ATG7: variants seen among roughly 807,000 people sequenced by gnomAD.
ATG7 encodes the protein autophagy related 7, also known as ubiquitin-like modifier-activating enzyme ATG7.
In ATG7, 70 loss-of-function variants were observed where a neutral mutation model predicts 82.4. The observed-to-expected ratio is 0.85, with a 90% CI of 0.70 to 1.04. The LOEUF is 1.04. Ranked by LOEUF, ATG7 falls within the 50% of genes least tolerant of loss-of-function variation. ATG7 has a pLI of 0.00. For synonymous variants in ATG7, 287 were observed against 313.0 expected (o/e 0.92, Z 0.88); for missense variants, 792 against 864.3 (o/e 0.92, Z 1.05).
intron 19 of ATG7, among the ~76,000 whole-genome samples, chr3:11,395,825 A>G (rs2079176800): frequency 1.3e-5 from 2 of 151,550 alleles, no homozygotes; most frequent in African/African-American, 4.8e-5. Flanking sequence ...CTGTAGTCCC[A>G]GCTACTCGGG....
At chr3:11,462,791 C>T (rs976383208) in intron 20 of ATG7, among the ~76,000 whole-genome samples, 9 of 151,998 alleles carry the variant, frequency 5.9e-5, no homozygotes, top group African/African-American at 1.4e-4. Context: ...GTTCAAACAT[C>T]GTAACATACA....
At chr3:11,443,285 C>T (rs2084180632) in intron 20 of ATG7, among the ~76,000 whole-genome samples, 1 of 152,182 alleles carries the variant, frequency 6.6e-6, no homozygotes, top group East Asian at 1.9e-4. Context: ...CCATTATCTC[C>T]CTTGAAAAAT....
Position 11,313,386 on chromosome 3 carries a change from C to T in ATG7, c.494C>T (p.Pro165Leu), listed in dbSNP as rs1575380680. 3 of 1,612,352 alleles carry T rather than the reference C, an allele frequency of 1.9e-6. No individual in the cohort carries two copies. The highest frequency in any genetic ancestry group is 2.5e-6 in the Non-Finnish European group (3 of 1,179,056). Residue 165 changes from proline (P) to leucine (L), a missense_variant, in exon 8 of 21, where the codon CCA becomes CTA. Coordinates refer to ENST00000693202, the MANE Select transcript of ATG7 (RefSeq NM_001349232.2). ...GAGAGTTTACCTCTCATTCAGGGGC[C>T]AGTGGGTTTGGATCAAAGGTTTTCA... ...LPESLPLIQG[P>L]VGLDQRFSLK...
chr3:11,519,269 G>T (rs1281441644), intron 20 of ATG7, among the ~76,000 whole-genome samples: 1 of 152,126 alleles, frequency 6.6e-6, no homozygotes, highest in African/African-American at 2.4e-5. Flanking sequence ...ATTGTTTCAT[G>T]TAAGGAACTT....
chr3:11,341,262 G>C (rs187221290), intron 12 of ATG7, among the ~76,000 whole-genome samples: 3 of 151,706 alleles, frequency 2.0e-5, no homozygotes, highest in Admixed American at 2.0e-4. Context: ...GGGTTTCACT[G>C]TGTTGCCCAG....
At chr3:11,367,335 T>C (rs1487585034) in intron 18 of ATG7, among the ~76,000 whole-genome samples, 2 of 152,172 alleles carry the variant, frequency 1.3e-5, no homozygotes, top group African/African-American at 4.8e-5. Flanking sequence ...AACTCCTTTG[T>C]GTACTTTGTA....
At chr3:11,551,259 C>T (rs182660829) in intron 20 of ATG7, among the ~76,000 whole-genome samples, 27 of 152,332 alleles carry the variant, frequency 1.8e-4, no homozygotes, top group Middle Eastern at 6.8e-3. Flanking sequence ...GGCTTCTCAC[C>T]GCTCTTCTGT....
chr3:11,465,458 A>AG (rs1237631040), intron 20 of ATG7, among the ~76,000 whole-genome samples: 46 of 150,812 alleles, frequency 3.1e-4, no homozygotes, highest in East Asian at 9.8e-4. Context: ...AAAAAAAAAA[A>AG]ATGAGCCTGT....
the ATG7 span, among the ~76,000 whole-genome samples, chr3:11,574,441 G>A: frequency 6.6e-6 from 1 of 152,164 alleles, no homozygotes; most frequent in East Asian, 1.9e-4. Flanking sequence ...GGCAGGCCAA[G>A]TCAGCCCAGA....
intron 1 of ATG7, among the ~76,000 whole-genome samples, chr3:11,276,416 TTC>T (rs1329395409): frequency 9.9e-5 from 15 of 152,202 alleles, no homozygotes; most frequent in African/African-American, 2.4e-5. Flanking sequence ...CATTTAAATA[TTC>T]TCTGTTTACT....
chr3:11,554,913 C>G lies in ATG7; in HGVS notation c.*70C>G. 1 of 1,567,670 alleles carries G rather than the reference C, an allele frequency of 6.4e-7. No individual in the cohort carries two copies. The highest frequency in any genetic ancestry group is 8.7e-7 in the Non-Finnish European group (1 of 1,154,684). The stretch of plus-strand genomic sequence containing the variant: ...GGAGCTCTCCATCGCCAGAGCAGGA[C>G]TGCTGACCCCAGGCCTGGTGATTCT... On this transcript the variant is annotated 3_prime_UTR_variant, in exon 21 of 21. Transcript: ENST00000693202.
At chr3:11,368,124 T>C (rs903866304) in intron 18 of ATG7, among the ~76,000 whole-genome samples, 2 of 151,564 alleles carry the variant, frequency 1.3e-5, no homozygotes, top group Non-Finnish European at 2.9e-5. Context: ...TGAAATCATA[T>C]AGTATATACT....
intron 10 of ATG7, among the ~76,000 whole-genome samples, 197 bp downstream of exon 10, chr3:11,331,625 T>C (rs1951663462): frequency 6.6e-6 from 1 of 152,224 alleles, no homozygotes; most frequent in African/African-American, 2.4e-5. Flanking sequence ...GTTAGGGACC[T>C]GCATACTCTG....
chr3:11,349,773 A>G (rs2075403876), intron 14 of ATG7, among the ~76,000 whole-genome samples: 1 of 152,198 alleles, frequency 6.6e-6, no homozygotes, highest in Non-Finnish European at 1.5e-5. Flanking sequence ...GTACAGGTTT[A>G]TGAAATTAAA....
intron 3 of ATG7, among the ~76,000 whole-genome samples, chr3:11,284,202 A>C (rs1943552850): frequency 1.3e-5 from 2 of 152,206 alleles, no homozygotes; most frequent in Non-Finnish European, 2.9e-5. Flanking sequence ...TTCATTAAAA[A>C]ATATCCTACA....
intron 20 of ATG7, chr3:11,446,558 C>G: frequency 2.3e-6 from 1 of 430,590 alleles, no homozygotes; most frequent in South Asian, 1.7e-5. Flanking sequence ...AAACACACAT[C>G]CAATGACAGT....
intron 20 of ATG7, among the ~76,000 whole-genome samples, chr3:11,511,028 C>T (rs1417968462): frequency 1.3e-5 from 2 of 152,100 alleles, no homozygotes; most frequent in South Asian, 2.1e-4. Flanking sequence ...CTGGTGGGTT[C>T]GTGGTCTCGC....
the ATG7 span, among the ~76,000 whole-genome samples, chr3:11,575,064 C>A: frequency 6.6e-6 from 1 of 152,146 alleles, no homozygotes; most frequent in Non-Finnish European, 1.5e-5. Flanking sequence ...CTCGTGCCAA[C>A]CCCCCATTCC....
downstream of ATG7, among the ~76,000 whole-genome samples, chr3:11,559,692 A>G (rs1051812351): frequency 1.3e-5 from 2 of 152,228 alleles, no homozygotes; most frequent in Non-Finnish European, 2.9e-5. Flanking sequence ...GTGAGGGTAC[A>G]AAGGACAAAA....
Sources: gnomAD v4.1 joint callset for allele counts (sites outside exome capture counted in the v4.1 genomes callset) on GRCh38, gnomAD v4.1.1 for gene constraint, MANE v1.5 for transcripts, NCBI Gene and HGNC (gene_info 2026-07-23, HGNC 2026-07-21) for gene names.